TSFM: variants seen among roughly 807,000 people sequenced by gnomAD.
The protein encoded by TSFM is Ts translation elongation factor, mitochondrial.
TSFM carries 29 observed loss-of-function variants against 33.4 expected under a neutral mutation model. The ratio of observed to expected loss-of-function variants is 0.87; its 90% CI spans 0.65 to 1.18. The LOEUF (loss-of-function observed/expected upper bound fraction) is 1.18, where lower values mean the gene tolerates loss of function less well. Among genes scored for constraint, TSFM ranks in the 50% most tolerant of loss-of-function variants. The pLI is 0.00. For synonymous variants in TSFM, 178 were observed against 163.5 expected (o/e 1.09, Z -0.68); for missense variants, 394 against 395.6 (o/e 1.00, Z 0.04).
At chr12:57,798,259 G>A (rs973851495), downstream of TSFM, among the ~76,000 whole-genome samples, 3 of 152,212 alleles carry the variant, frequency 2.0e-5, no homozygotes, top group African/African-American at 7.2e-5. Flanking sequence ...CTTGCCAGAA[G>A]GCAATAAATG....
chr12:57,787,925 AAAAG>A (rs1433597908), intron 4 of TSFM, among the ~76,000 whole-genome samples: 3 of 151,966 alleles, frequency 2.0e-5, no homozygotes, highest in African/African-American at 4.8e-5. Context: ...CAGAAAAAAA[AAAAG>A]AGAGAGAGAT....
intron 4 of TSFM, among the ~76,000 whole-genome samples, chr12:57,787,669 C>G (rs1433865367): frequency 6.6e-6 from 1 of 152,170 alleles, no homozygotes; most frequent in African/African-American, 2.4e-5. Context: ...TGGCTCACCC[C>G]TGTAATCCCA....
chr12:57,783,892 A>G, intron 2 of TSFM: 2 of 695,070 alleles, frequency 2.9e-6, no homozygotes, highest in Non-Finnish European at 5.3e-6. Flanking sequence ...GTGGGATTAC[A>G]GGAGTGAGCC....
intron 4 of TSFM, among the ~76,000 whole-genome samples, chr12:57,788,790 A>G (rs1955623756): frequency 6.6e-6 from 1 of 152,040 alleles, no homozygotes; most frequent in Non-Finnish European, 1.5e-5. Flanking sequence ...GCACACCACT[A>G]TGCTAGGCTC....
downstream of TSFM, chr12:57,798,036 G>A (rs1347843587): frequency 3.4e-6 from 5 of 1,467,474 alleles, no homozygotes; most frequent in Non-Finnish European, 4.7e-6. Flanking sequence ...AGGAAGACAT[G>A]ACATCATTGC....
downstream of TSFM, chr12:57,801,161 T>G: frequency 6.2e-7 from 1 of 1,613,790 alleles, no homozygotes. Flanking sequence ...ATTCGCATGA[T>G]AGCAGCAGCA....
At position 57,783,010 on chromosome 12, in the gene TSFM, G is replaced by A; in HGVS notation, c.58-100G>A. 1.3e-5 allele frequency: 20 copies of A among 1,502,592 alleles called. No homozygotes were observed. In the South Asian group the frequency reaches 2.5e-4, roughly 19 times the overall value. The allele number at this position is 1,502,592 out of a possible 1,614,324, so 93.1% of individuals were successfully genotyped here. On this transcript the variant is annotated intron_variant, in intron 1 of 5. Coordinates refer to ENST00000652027, the MANE Select transcript of TSFM (RefSeq NM_005726.6). ...GTCCAGCCCCGGTGCACCCCCCTTTGCACACTGTCCGCTCCCTAAGGTCGC... is the reference window on the plus strand; with the variant it reads ...GTCCAGCCCCGGTGCACCCCCCTTTACACACTGTCCGCTCCCTAAGGTCGC...
chr12:57,787,435 A>G (rs1955605581), intron 4 of TSFM, among the ~76,000 whole-genome samples: 1 of 152,162 alleles, frequency 6.6e-6, no homozygotes, highest in African/African-American at 2.4e-5. Flanking sequence ...GAGGCAGGGA[A>G]TTTGTCTTTT....
downstream of TSFM, chr12:57,801,080 T>C (rs1334571710): frequency 8.8e-6 from 12 of 1,371,320 alleles, no homozygotes; most frequent in South Asian, 1.2e-5. Context: ...TCTGTAGCAT[T>C]TGTGTGTTCT....
At chr12:57,784,210 A>G (rs1452271321) in intron 2 of TSFM, 4 of 690,748 alleles carry the variant, frequency 5.8e-6, no homozygotes, top group Admixed American at 2.1e-5. Context: ...AGTACAGTAA[A>G]TAGGCATAAA....
At position 57,787,182 on chromosome 12, in the gene TSFM, C is replaced by T; in HGVS notation, c.483+20C>T. ...AGTAAAGTAAGTTTGGGATTTGTCT[C>T]CAGTGTGCTGAATTTGCTGTCCTCA... On this transcript the variant is annotated intron_variant, in intron 4 of 5. Transcript: ENST00000652027. 2 of 1,551,984 alleles carry T rather than the reference C, an allele frequency of 1.3e-6. No individual in the cohort carries two copies. Among genetic ancestry groups the T allele is most frequent in the Non-Finnish European group, 1.7e-6 (2 of 1,146,928 alleles).
At position 57,793,041 on chromosome 12, in the gene TSFM, G is replaced by A. The variant is rs138534976; in HGVS notation, c.539G>A (p.Gly180Asp). 1.4e-5 allele frequency: 22 copies of A among 1,613,614 alleles called. No individual in the cohort carries two copies. The highest frequency in any genetic ancestry group is 1.8e-5 in the Non-Finnish European group (21 of 1,179,722). ...SGLPAGPDRE[G>D]SLKDQLALAI... ...CTTCCAGCTGGGCCTGACAGAGAAG[G>A]CTCACTCAAGGATCAGTTGGCTTTA... is the stretch of plus-strand genomic sequence containing the variant. The change falls in exon 5 of 6, where the codon GGC becomes GAC. Residue 180 changes from glycine (G) to aspartate (D), a missense_variant. This residue lies in a region of TSFM where 186 missense variants were observed against 198.8 expected (regional missense o/e 0.94). Transcript: ENST00000652027.
At chr12:57,783,053 C>G in intron 1 of TSFM, 57 bp from the exon 2 acceptor site, 2 of 1,568,194 alleles carry the variant, frequency 1.3e-6, no homozygotes, top group Non-Finnish European at 1.7e-6. Context: ...CCCGTGTACC[C>G]TTCACCCTCT....
chr12:57,795,359 C>CGA, intron 5 of TSFM, among the ~76,000 whole-genome samples: 1 of 152,106 alleles, frequency 6.6e-6, no homozygotes, highest in Non-Finnish European at 1.5e-5. Context: ...CTCGGCCTTC[C>CGA]AAAGTGCTGG....
At chr12:57,792,278 G>T (rs1955672824) in intron 4 of TSFM, among the ~76,000 whole-genome samples, 1 of 152,194 alleles carries the variant, frequency 6.6e-6, no homozygotes, top group Non-Finnish European at 1.5e-5. Context: ...GCCAGGTGCA[G>T]TGGCTTACGC....
intron 5 of TSFM, 88 bp from the exon 6 acceptor site, chr12:57,796,089 C>T: frequency 8.2e-7 from 1 of 1,226,192 alleles, no homozygotes; most frequent in East Asian, 2.4e-5. Flanking sequence ...GACTGTCTTC[C>T]AAACTGGGCC....
At chr12:57,786,027 C>A in intron 2 of TSFM, 136 bp from the exon 3 acceptor site, 2 of 1,098,428 alleles carry the variant, frequency 1.8e-6, no homozygotes, top group Non-Finnish European at 2.5e-6. Context: ...TAGTGGTAGA[C>A]TGCCAGTAAA....
In TSFM at chr12:57,787,105, C is replaced by T. The variant is rs749415697; in HGVS notation, c.426C>T (p.Ala142=). 1.2e-5 allele frequency: 19 copies of T among 1,609,396 alleles called. No homozygotes were observed. Among genetic ancestry groups the T allele is most frequent in the Non-Finnish European group, 1.4e-5 (17 of 1,177,610 alleles). The change falls in exon 4 of 6, where the codon GCC becomes GCT. Residue 142 remains alanine, a synonymous_variant. Coordinates refer to ENST00000652027, the MANE Select transcript of TSFM (RefSeq NM_005726.6). ...TTCAACTGTTGGTCCAGCAAGTAGC[C>T]CTTGGAACCATGATGCATTGTCAGA... The part of the protein sequence containing the change: ...LKFQLLVQQV[A]LGTMMHCQTL...
downstream of TSFM, chr12:57,801,337 G>C: frequency 1.4e-6 from 1 of 735,558 alleles, no homozygotes; most frequent in East Asian, 2.7e-5. Context: ...TCAAGGATAA[G>C]TAAAAATGAA....
Sources: gnomAD v4.1 joint callset for allele counts (sites outside exome capture counted in the v4.1 genomes callset) on GRCh38, gnomAD v4.1.1 for gene constraint, gnomAD v4.1.1 regional missense constraint, MANE v1.5 for transcripts, NCBI Gene and HGNC (gene_info 2026-07-23, HGNC 2026-07-21) for gene names.